CCDC69: variants seen among roughly 807,000 people sequenced by gnomAD.
The protein encoded by CCDC69 is coiled-coil domain-containing protein 69.
In CCDC69, 38 loss-of-function variants were observed where a neutral mutation model predicts 40.3. The ratio of observed to expected loss-of-function variants is 0.94; its 90% CI spans 0.73 to 1.24. The LOEUF (loss-of-function observed/expected upper bound fraction) is 1.24, where lower values mean the gene tolerates loss of function less well. CCDC69 is among the 50% of genes most tolerant of loss of function. The pLI is 0.00. For missense variants in CCDC69, 389 were observed against 357.9 expected, an observed-to-expected ratio of 1.09 and a Z score of -0.70; for synonymous variants, 141 against 138.9, an observed-to-expected ratio of 1.02 and a Z score of -0.11.
Position 151,183,549 on chromosome 5 carries a change from T to C in CCDC69, c.779A>G (p.Gln260Arg). ...CAGCTCCTCCTTCTCCTGCTGGAGC[T>C]GTCGCCGCAGCTGCACCTCCTTCTC... ...ALEKEVQLRR[Q>R]LQQEKEELLY... The change falls in exon 9 of 9, where the codon CAG (glutamine) becomes CGG (arginine). Residue 260 changes from glutamine (Q) to arginine (R), a missense_variant. Coordinates refer to ENST00000355417, the MANE Select transcript of CCDC69 (RefSeq NM_015621.3). 1 of 1,611,784 alleles carries C rather than the reference T, an allele frequency of 6.2e-7. No homozygotes were observed. Among genetic ancestry groups the C allele is most frequent in the Non-Finnish European group, 8.5e-7 (1 of 1,179,366 alleles).
intron 4 of CCDC69, among the ~76,000 whole-genome samples, chr5:151,196,747 C>T (rs1357251275): frequency 6.6e-6 from 1 of 152,196 alleles, no homozygotes; most frequent in Non-Finnish European, 1.5e-5. Context: ...GATGTGCCAC[C>T]ATTGGAACTC....
intron 1 of CCDC69, among the ~76,000 whole-genome samples, chr5:151,208,677 C>G (rs541364080): frequency 1.3e-5 from 2 of 152,386 alleles, no homozygotes; most frequent in Non-Finnish European, 2.9e-5. Context: ...CCAGCCTCCC[C>G]ACCCTGGGCT....
In CCDC69 at chr5:151,217,995, A is replaced by T. The variant is rs969295814; in HGVS notation, c.48+5928T>A. ...GGTCATTGTACACTCAGTGAAAAAA[A>T]ACTCCATTGCAGAGAGGAGGAAATC... On this transcript the variant is annotated intron_variant, in intron 1 of 8. Coordinates refer to ENST00000355417, the MANE Select transcript of CCDC69 (RefSeq NM_015621.3). 5.3e-5 allele frequency among the ~76,000 whole-genome samples: 8 copies of T among 152,258 alleles called. 1 individual carries two copies. Among genetic ancestry groups the T allele is most frequent in the Admixed American group, 6.5e-5 (1 of 15,290 alleles).
intron 4 of CCDC69, among the ~76,000 whole-genome samples, chr5:151,188,088 C>A (rs943100843): frequency 6.6e-6 from 1 of 152,146 alleles, no homozygotes; most frequent in African/African-American, 2.4e-5. Flanking sequence ...ACAGACAGGG[C>A]GGTGCTGTAC....
chr5:151,184,507 C>A, intron 7 of CCDC69, 66 bp from the exon 8 acceptor site: 1 of 975,700 alleles, frequency 1.0e-6, no homozygotes, highest in Non-Finnish European at 1.6e-6. Context: ...GCTGTCACCT[C>A]CCTCTTATCT....
chr5:151,187,933 T>C (rs1752548424), intron 4 of CCDC69, among the ~76,000 whole-genome samples: 1 of 152,194 alleles, frequency 6.6e-6, no homozygotes, highest in Admixed American at 6.5e-5. Flanking sequence ...GGCTCTGCCT[T>C]TCCGAAACTG....
chr5:151,194,981 T>C (rs1470773787), intron 4 of CCDC69, among the ~76,000 whole-genome samples: 1 of 151,224 alleles, frequency 6.6e-6, no homozygotes, highest in African/African-American at 2.4e-5. Context: ...TACTATATGA[T>C]AATTTAAAAA....
At chr5:151,198,904 G>T in intron 4 of CCDC69, 93 bp downstream of exon 4, 1 of 888,180 alleles carries the variant, frequency 1.1e-6, no homozygotes, top group Non-Finnish European at 1.9e-6. Flanking sequence ...CAGACAGGGA[G>T]GGAACAGTGG....
rs769896676 is a variant in CCDC69, at chr5:151,199,103, G to A, written c.232-19C>T. On this transcript the variant is annotated intron_variant, in intron 3 of 8. Transcript: ENST00000355417. Reference sequence around the variant, plus strand: ...TCTCCACCTGGGGGCAGAGAGTCCCGGGCAGGACTGAGATTGAGCAGGATC... The same window carrying A: ...TCTCCACCTGGGGGCAGAGAGTCCCAGGCAGGACTGAGATTGAGCAGGATC... The A allele has an allele frequency of 4.1e-5, 65 of 1,598,624 alleles. No homozygotes were observed. Among genetic ancestry groups the A allele is most frequent in the Non-Finnish European group, 4.6e-5 (54 of 1,167,060 alleles).
intron 1 of CCDC69, among the ~76,000 whole-genome samples, chr5:151,207,628 A>G (rs1022665828): frequency 6.6e-6 from 1 of 152,178 alleles, no homozygotes; most frequent in Admixed American, 6.5e-5. Flanking sequence ...TATATAAAAT[A>G]AAGGACATTT....
intron 1 of CCDC69, among the ~76,000 whole-genome samples, chr5:151,210,408 G>C (rs1752929213): frequency 1.3e-5 from 2 of 151,984 alleles, no homozygotes; most frequent in South Asian, 4.2e-4. Flanking sequence ...CCAGGCGGTA[G>C]TGGCATGCGC....
intron 5 of CCDC69, among the ~76,000 whole-genome samples, chr5:151,186,476 A>T (rs1752521779): frequency 6.6e-6 from 1 of 151,836 alleles, no homozygotes; most frequent in Non-Finnish European, 1.5e-5. Context: ...AGGGAGAAGG[A>T]GAGGAGATGA....
At chr5:151,201,768 G>A in intron 2 of CCDC69, 80 bp from the exon 3 acceptor site, 2 of 859,328 alleles carry the variant, frequency 2.3e-6, no homozygotes, top group Non-Finnish European at 3.6e-6. Context: ...GAGAGAGTGT[G>A]GGAAATGGGG....
At chr5:151,187,253 C>G in intron 5 of CCDC69, 133 bp downstream of exon 5, 2 of 702,764 alleles carry the variant, frequency 2.8e-6, no homozygotes, top group Non-Finnish European at 5.0e-6. Context: ...CCTGGATACA[C>G]AGAAGGCAAT....
At position 151,183,455 on chromosome 5, in the gene CCDC69, G is replaced by C. The variant is rs764135043; in HGVS notation, c.873C>G (p.Val291=). 4 of 1,604,128 alleles carry C rather than the reference G, an allele frequency of 2.5e-6. No individual in the cohort carries two copies. The highest frequency in any genetic ancestry group is 2.5e-6 in the Non-Finnish European group (3 of 1,176,480). The part of the protein sequence containing the change: ...FPLAPVTPTE[V]SFLAT The stretch of plus-strand genomic sequence containing the variant: ...CTGCACCCTATGTGGCGAGGAAAGA[G>C]ACCTCAGTGGGAGTGACAGGGGCCA... The change falls in exon 9 of 9, where the codon GTC becomes GTG. Residue 291 remains valine, a synonymous_variant. Transcript: ENST00000355417.
In CCDC69 at chr5:151,181,189, C is replaced by A. The variant is rs1199246579; in HGVS notation, c.*2248G>T. 1 of 152,254 alleles carries A rather than the reference C, an allele frequency of 6.6e-6. No homozygotes were observed. 9.4% of individuals were successfully genotyped at this position (152,254 alleles called of 1,614,324 possible). A position where few individuals can be genotyped will look rare whatever the true frequency, so the allele number is the denominator to read the frequency against. ...ACAACTTGCTCCTTCTCCAGCCCTG[C>A]CCCTCTCAATTAAAACAATGCTTTC... On this transcript the variant is annotated 3_prime_UTR_variant, in exon 9 of 9. Coordinates refer to ENST00000355417, the MANE Select transcript of CCDC69 (RefSeq NM_015621.3).
rs1480844284 is a variant in CCDC69 at position 151,183,615 on chromosome 5, C to T, written c.714-1G>A. On this transcript the variant is annotated splice_acceptor_variant, in intron 8 of 8. Transcript: ENST00000355417. LOFTEE classifies it high-confidence loss of function. ...GAGAAGCAGGTCTTCTGACAGCTGC[C>T]TGTGGATGCACACAGAGCCCAGGGT... 1 of 1,606,104 alleles carries T rather than the reference C, an allele frequency of 6.2e-7. No individual in the cohort carries two copies. The highest frequency in any genetic ancestry group is 8.5e-7 in the Non-Finnish European group (1 of 1,176,232).
Position 151,184,410 on chromosome 5 carries a change from A to G in CCDC69, c.647T>C (p.Ile216Thr). Residue 216 changes from isoleucine (I) to threonine (T), a missense_variant, in exon 8 of 9, where the codon ATT becomes ACT. Transcript: ENST00000355417. ...CTCATTTTCCTGTTGCAGGGTCGTA[A>G]TTTTTTCCTCCAATATCAGATTTTT... is the stretch of plus-strand genomic sequence containing the variant. ...KEKNLILEEK[I>T]TTLQQENEDL... is the part of the protein sequence containing the mutation. The G allele has an allele frequency of 1.2e-6, 2 of 1,613,912 alleles. No homozygotes were observed. Among genetic ancestry groups the G allele is most frequent in the Non-Finnish European group, 1.7e-6 (2 of 1,179,906 alleles).
chr5:151,183,191 T>C lies in CCDC69; in HGVS notation c.*246A>G. 1 of 656,372 alleles carries C rather than the reference T, an allele frequency of 1.5e-6. No homozygotes were observed. The highest frequency in any genetic ancestry group is 1.5e-5 in the South Asian group (1 of 66,296). 40.7% of individuals were successfully genotyped at this position (656,372 alleles called of 1,614,324 possible). A position where few individuals can be genotyped will look rare whatever the true frequency, so the allele number is the denominator to read the frequency against. ...ACAGAGTGCTGGGGCAGGGAGGAAA[T>C]GTCTCCTCTTGCTTATTCCCTTGGC... On this transcript the variant is annotated 3_prime_UTR_variant, in exon 9 of 9. Transcript: ENST00000355417.
Sources: gnomAD v4.1 joint callset for allele counts (sites outside exome capture counted in the v4.1 genomes callset) on GRCh38, gnomAD v4.1.1 for gene constraint, MANE v1.5 for transcripts, NCBI Gene and HGNC (gene_info 2026-07-23, HGNC 2026-07-21) for gene names.